PARD3B: variants seen among roughly 807,000 people sequenced by gnomAD.
The protein encoded by PARD3B is par-3 family cell polarity regulator beta, also known as partitioning defective 3 homolog B.
A neutral mutation model predicts 130.2 loss-of-function variants in PARD3B; 103 were observed. The ratio of observed to expected loss-of-function variants is 0.79; its 90% CI spans 0.67 to 0.93. The LOEUF is 0.93. PARD3B is among the 40% of genes least tolerant of loss of function. The probability of loss-of-function intolerance (pLI) is 0.00; values close to 1 mark genes in which losing one functional copy is unlikely to be tolerated. For missense variants in PARD3B, 1,609 were observed against 1,499.2 expected, an observed-to-expected ratio of 1.07 and a Z score of -1.21; for synonymous variants, 583 against 553.2, an observed-to-expected ratio of 1.05 and a Z score of -0.76.
intron 20 of PARD3B, among the ~76,000 whole-genome samples, chr2:205,467,299 T>G (rs2048661905): frequency 6.6e-6 from 1 of 152,286 alleles, no homozygotes; most frequent in South Asian, 2.1e-4. Context: ...TGAAATGCCA[T>G]TGAATTACAA....
chr2:205,523,526 G>A (rs1013344291), intron 21 of PARD3B, among the ~76,000 whole-genome samples: 1 of 151,790 alleles, frequency 6.6e-6, no homozygotes, highest in Non-Finnish European at 1.5e-5. Context: ...ATATTATTTA[G>A]CCTATTTTCT....
At chr2:204,833,286 T>C (rs1401741264) in intron 2 of PARD3B, among the ~76,000 whole-genome samples, 1 of 152,156 alleles carries the variant, frequency 6.6e-6, no homozygotes, top group Non-Finnish European at 1.5e-5. Flanking sequence ...GATAACCCTT[T>C]GTTTTTCTCA....
At chr2:204,723,514 G>T (rs2039087121) in intron 2 of PARD3B, among the ~76,000 whole-genome samples, 1 of 152,094 alleles carries the variant, frequency 6.6e-6, no homozygotes, top group Non-Finnish European at 1.5e-5. Flanking sequence ...CCAAAAACAA[G>T]AATCAATTTC....
chr2:205,176,463 G>A lies in PARD3B; in HGVS notation c.1810G>A (p.Ala604Thr). 2 of 1,610,096 alleles carry A rather than the reference G, an allele frequency of 1.2e-6. No homozygotes were observed. The highest frequency in any genetic ancestry group is 1.7e-6 in the Non-Finnish European group (2 of 1,178,476). Residue 604 changes from alanine (A) to threonine (T), a missense_variant, in exon 13 of 23, where the codon GCA becomes ACA. Physicochemically the swap from Ala to Thr is moderately conservative, Grantham distance 58. Transcript: ENST00000406610. This position sits in a 1 kb window ranked among gnomAD's most constrained non-coding sequence, Gnocchi z 5.3. ...RPMEDPAECG[A>T]FSKPCFENCQ... Reference sequence around the variant, plus strand: ...CTCTTAGGATCCTGCAGAGTGTGGGGCATTTTCCAAGCCATGCTTTGAGAA... The same window carrying A: ...CTCTTAGGATCCTGCAGAGTGTGGGACATTTTCCAAGCCATGCTTTGAGAA...
chr2:205,494,012 CA>C (rs2049832911), intron 20 of PARD3B, among the ~76,000 whole-genome samples: 2 of 152,056 alleles, frequency 1.3e-5, no homozygotes, highest in South Asian at 4.1e-4. Flanking sequence ...CTGCCCACCT[CA>C]GCCTCCCAAG....
At chr2:205,424,819 C>T (rs1464857128) in intron 19 of PARD3B, among the ~76,000 whole-genome samples, 1 of 152,102 alleles carries the variant, frequency 6.6e-6, no homozygotes, top group Non-Finnish European at 1.5e-5. Flanking sequence ...TAACCCTTGG[C>T]AGTCCCTAGG....
Position 205,300,464 on chromosome 2 carries a change from G to T in PARD3B, c.2186-66G>T, listed in dbSNP as rs2041953278. 1.4e-6 allele frequency: 2 copies of T among 1,416,202 alleles called. No individual in the cohort carries two copies. The highest frequency in any genetic ancestry group is 1.2e-5 in the South Asian group (1 of 84,866). 87.7% of individuals were successfully genotyped at this position (1,416,202 alleles called of 1,614,324 possible). ...GGATGTCCAGACAGAAATATTCTTA[G>T]AACAATAGCATTACACCACACTGCC... On this transcript the variant is annotated intron_variant, in intron 16 of 22. Transcript: ENST00000406610. The surrounding 1 kb of genome is among the most constrained non-coding windows in gnomAD (Gnocchi z 4.1).
At position 204,749,893 on chromosome 2, in the gene PARD3B, T is replaced by C. The variant is rs564346470; in HGVS notation, c.222+63611T>C. Among the ~76,000 whole-genome samples the C allele has an allele frequency of 5.3e-5, 8 of 152,368 alleles. No individual in the cohort carries two copies. The South Asian group carries it at 8.3e-4, about 16-fold the overall frequency. On this transcript the variant is annotated intron_variant, in intron 2 of 22. Coordinates refer to ENST00000406610, the MANE Select transcript of PARD3B (RefSeq NM_001302769.2). ...AACCTTGTTTTAATGTCTAATAAGA[T>C]AAATTTCTACATGTGGAAAATATTA...
At chr2:204,780,760 T>C (rs2041807584) in intron 2 of PARD3B, among the ~76,000 whole-genome samples, 1 of 152,112 alleles carries the variant, frequency 6.6e-6, no homozygotes, top group South Asian at 2.1e-4. Flanking sequence ...GAGACCAGTA[T>C]TGACAATGTG....
intron 22 of PARD3B, among the ~76,000 whole-genome samples, chr2:205,594,562 A>C (rs1009387425): frequency 6.6e-6 from 1 of 152,228 alleles, no homozygotes; most frequent in African/African-American, 2.4e-5. Flanking sequence ...AGGTGGGAGC[A>C]GAGCCTAAAG....
Position 205,167,910 on chromosome 2 carries a change from G to C in PARD3B, c.1621-4301G>C, listed in dbSNP as rs1576038135. On this transcript the variant is annotated intron_variant, in intron 11 of 22. Transcript: ENST00000406610. ...AAATATATGCAAAAGACATGCTCAA[G>C]GACTAGCCTACATTAGGTGTTCAGT... Among the ~76,000 whole-genome samples the C allele has an allele frequency of 2.6e-5, 4 of 152,280 alleles. 1 individual carries two copies. The highest frequency in any genetic ancestry group is 9.6e-5 in the African/African-American group (4 of 41,546).
chr2:204,879,931 A>G (rs2045976451), intron 2 of PARD3B, among the ~76,000 whole-genome samples: 1 of 152,240 alleles, frequency 6.6e-6, no homozygotes, highest in South Asian at 2.1e-4. Flanking sequence ...TCAGATTGAA[A>G]TAGACTCTAA....
chr2:205,435,627 C>T (rs2047486827), intron 19 of PARD3B, among the ~76,000 whole-genome samples: 1 of 151,810 alleles, frequency 6.6e-6, no homozygotes, highest in African/African-American at 2.4e-5. Context: ...ATATTCAAAC[C>T]TCTGTTTCTT....
intron 2 of PARD3B, among the ~76,000 whole-genome samples, chr2:204,831,773 C>CA (rs1455991009): frequency 1.3e-5 from 2 of 152,062 alleles, no homozygotes; most frequent in Non-Finnish European, 2.9e-5. Context: ...GGGACTATTG[C>CA]AAACAACAGG....
intron 2 of PARD3B, among the ~76,000 whole-genome samples, chr2:204,776,198 G>A (rs2041610085): frequency 6.6e-6 from 1 of 152,160 alleles, no homozygotes; most frequent in South Asian, 2.1e-4. Flanking sequence ...TGCTGAGATA[G>A]GATTCTATAG....
intron 2 of PARD3B, among the ~76,000 whole-genome samples, chr2:204,770,597 T>A (rs1019439609): frequency 6.6e-6 from 1 of 152,040 alleles, no homozygotes; most frequent in African/African-American, 2.4e-5. Context: ...CCAGGTTAAA[T>A]TGCTAAGATG....
At position 205,309,237 on chromosome 2, in the gene PARD3B, G is replaced by C. The variant is rs544299499; in HGVS notation, c.2630+7536G>C. On this transcript the variant is annotated intron_variant, in intron 18 of 22. Transcript: ENST00000406610. This position sits in a 1 kb window ranked among gnomAD's most constrained non-coding sequence, Gnocchi z 4.7. Reference sequence around the variant, plus strand: ...GGGCATTAATGTAAATGGTGAACTTGGTTTACAGGTGATTGGATCAACTCT... The same window carrying C: ...GGGCATTAATGTAAATGGTGAACTTCGTTTACAGGTGATTGGATCAACTCT... 2.6e-5 allele frequency among the ~76,000 whole-genome samples: 4 copies of C among 152,246 alleles called. No homozygotes were observed. In the East Asian group the frequency reaches 5.8e-4, roughly 22 times the overall value.
chr2:205,255,417 A>C (rs977835889), intron 16 of PARD3B, among the ~76,000 whole-genome samples: 2 of 152,158 alleles, frequency 1.3e-5, no homozygotes, highest in Non-Finnish European at 2.9e-5. Flanking sequence ...TTCCCCACAC[A>C]CACTGACCAG....
chr2:204,611,511 G>A (rs1459519745), intron 1 of PARD3B, among the ~76,000 whole-genome samples: 1 of 151,930 alleles, frequency 6.6e-6, no homozygotes, highest in African/African-American at 2.4e-5. Flanking sequence ...ATTGTCTCGT[G>A]GTATGTAAAT....
Sources: allele counts gnomAD v4.1 joint callset (sites outside exome capture counted in the v4.1 genomes callset), GRCh38; gene constraint gnomAD v4.1.1; non-coding constraint Gnocchi (gnomAD v3.1); transcripts MANE v1.5; gene names NCBI Gene and HGNC (gene_info 2026-07-23, HGNC 2026-07-21).